The following JAZF1 variants were observed in gnomAD, a reference collection of about 807,000 sequenced individuals.
The protein encoded by JAZF1 is JAZF zinc finger 1.
JAZF1 carries 8 observed loss-of-function variants against 26.4 expected under a neutral mutation model. The observed-to-expected ratio is 0.30, with a 90% CI of 0.18 to 0.55. The LOEUF (loss-of-function observed/expected upper bound fraction) is 0.55. JAZF1 is among the 20% of genes least tolerant of loss of function. The pLI is 0.94. For missense variants in JAZF1, 199 were observed against 322.0 expected (o/e 0.62, Z 2.92); for synonymous variants, 126 against 122.3 (o/e 1.03, Z -0.20).
chr7:28,099,774 C>G (rs562942465), intron 1 of JAZF1, among the ~76,000 whole-genome samples: 96 of 152,292 alleles, frequency 6.3e-4, no homozygotes, highest in African/African-American at 2.2e-3. Flanking sequence ...CCGCGCCTGG[C>G]CTTTTAAACA....
At chr7:28,106,018 G>C (rs1383352934) in intron 1 of JAZF1, among the ~76,000 whole-genome samples, 1 of 152,170 alleles carries the variant, frequency 6.6e-6, no homozygotes, top group Non-Finnish European at 1.5e-5. Context: ...GCAAGCTCAC[G>C]ATCGGTTCTG....
chr7:27,876,700 C>A (rs1359890965), intron 3 of JAZF1, among the ~76,000 whole-genome samples: 3 of 152,104 alleles, frequency 2.0e-5, no homozygotes, highest in African/African-American at 4.8e-5. Flanking sequence ...AAAATAAGAT[C>A]CCGGATAGCA....
At chr7:28,055,404 C>A (rs560275789) in intron 1 of JAZF1, among the ~76,000 whole-genome samples, 1 of 152,190 alleles carries the variant, frequency 6.6e-6, no homozygotes, top group East Asian at 1.9e-4. Context: ...CCAAAACACC[C>A]CTCAACAGCC....
chr7:28,115,497 C>T lies in JAZF1; in HGVS notation c.115+64966G>A, dbSNP rs1178041847. On this transcript the variant is annotated intron_variant, in intron 1 of 4. Transcript: ENST00000283928. ...CACAACTGTAGATAAACCACTACAG[C>T]TAATACAAGACCCACTTAGGAGGCT... Among the ~76,000 whole-genome samples the T allele has an allele frequency of 2.6e-5, 4 of 152,220 alleles. No individual in the cohort carries two copies. In the East Asian group the frequency reaches 5.8e-4, roughly 22 times the overall value.
intron 1 of JAZF1, among the ~76,000 whole-genome samples, chr7:28,107,045 T>C (rs2127930597): frequency 6.6e-6 from 1 of 152,318 alleles, no homozygotes; most frequent in South Asian, 2.1e-4. Flanking sequence ...ACAAAGTGAC[T>C]ACAAATTCCT....
chr7:28,111,335 C>T (rs543368814), intron 1 of JAZF1, among the ~76,000 whole-genome samples: 1 of 152,302 alleles, frequency 6.6e-6, no homozygotes, highest in East Asian at 1.9e-4. Context: ...ACTTTCTGAC[C>T]ACTGAAGACA....
chr7:28,120,257 T>C (rs563395533), intron 1 of JAZF1, among the ~76,000 whole-genome samples: 4 of 151,538 alleles, frequency 2.6e-5, no homozygotes, highest in Admixed American at 2.6e-4. Flanking sequence ...TGGCTGCTTA[T>C]TTTCTTCTTT....
chr7:28,178,318 G>A (rs1471705397), intron 1 of JAZF1, among the ~76,000 whole-genome samples: 1 of 151,828 alleles, frequency 6.6e-6, no homozygotes, highest in Non-Finnish European at 1.5e-5. Context: ...CCTCAAGAAG[G>A]ATAACTGTCT....
chr7:27,877,135 G>A (rs1377025598), intron 3 of JAZF1, among the ~76,000 whole-genome samples: 2 of 147,878 alleles, frequency 1.4e-5, no homozygotes, highest in South Asian at 2.3e-4. Flanking sequence ...CTTTATCACC[G>A]ACCACGTTTA....
intron 2 of JAZF1, among the ~76,000 whole-genome samples, chr7:27,963,565 C>CT (rs1251721275): frequency 1.6e-4 from 17 of 106,742 alleles, no homozygotes; most frequent in Admixed American, 5.5e-4. Context: ...AATTCCCCCC[C>CT]CCCCTTTTTT....
At chr7:28,133,914 A>G (rs527638679) in intron 1 of JAZF1, among the ~76,000 whole-genome samples, 1 of 151,796 alleles carries the variant, frequency 6.6e-6, no homozygotes, top group Non-Finnish European at 1.5e-5. Context: ...ACTCCCCAAA[A>G]CTCATACATA....
chr7:27,891,133 C>A (rs948929373), intron 3 of JAZF1, among the ~76,000 whole-genome samples: 19 of 152,296 alleles, frequency 1.2e-4, no homozygotes, highest in Admixed American at 8.5e-4. Context: ...ATTATCTTAA[C>A]ACTTTATTTT....
intron 2 of JAZF1, among the ~76,000 whole-genome samples, chr7:27,941,332 T>A (rs1321699316): frequency 6.6e-6 from 1 of 152,248 alleles, no homozygotes; most frequent in Non-Finnish European, 1.5e-5. Flanking sequence ...CCAATATCAG[T>A]GCAAATTAGC....
chr7:28,023,713 TG>T (rs2128373341), intron 1 of JAZF1, among the ~76,000 whole-genome samples: 1 of 152,332 alleles, frequency 6.6e-6, no homozygotes, highest in South Asian at 2.1e-4. Flanking sequence ...TAAGGCAAAG[TG>T]AACCATACGG....
intron 1 of JAZF1, among the ~76,000 whole-genome samples, chr7:28,105,505 C>T (rs1267434634): frequency 1.3e-5 from 2 of 152,162 alleles, no homozygotes; most frequent in African/African-American, 2.4e-5. Flanking sequence ...CAGGAATGCG[C>T]AGAGTTGATA....
intron 1 of JAZF1, among the ~76,000 whole-genome samples, chr7:28,135,019 T>C (rs949938060): frequency 2.0e-5 from 3 of 152,202 alleles, no homozygotes; most frequent in Admixed American, 6.5e-5. Context: ...ACTCAAACTA[T>C]GACCTATCCT....
intron 1 of JAZF1, among the ~76,000 whole-genome samples, chr7:28,102,690 A>G (rs1784492358): frequency 6.6e-6 from 1 of 152,220 alleles, no homozygotes; most frequent in Non-Finnish European, 1.5e-5. Flanking sequence ...TTTAACTACA[A>G]TCAACAGCTT....
chr7:28,091,756 C>T (rs1784301255), intron 1 of JAZF1, among the ~76,000 whole-genome samples: 2 of 151,952 alleles, frequency 1.3e-5, no homozygotes, highest in African/African-American at 4.8e-5. Flanking sequence ...AAATACACTT[C>T]AACATTCATA....
intron 1 of JAZF1, among the ~76,000 whole-genome samples, chr7:28,056,757 AC>A (rs1393155252): frequency 4.9e-4 from 2 of 4,054 alleles, no homozygotes; most frequent in African/African-American, 0.034. Flanking sequence ...TTCCTGATGC[AC>A]ACACTCCTGT....
Sources: gnomAD v4.1 joint callset for allele counts (sites outside exome capture counted in the v4.1 genomes callset) on GRCh38, gnomAD v4.1.1 for gene constraint, MANE v1.5 for transcripts, NCBI Gene and HGNC (gene_info 2026-07-23, HGNC 2026-07-21) for gene names.